The following NR2C2 variants were observed in gnomAD, a reference collection of about 807,000 sequenced individuals.
NR2C2 encodes the protein nuclear receptor subfamily 2 group C member 2.
NR2C2 carries 6 observed loss-of-function variants against 62.9 expected under a neutral mutation model. The observed-to-expected ratio is 0.10, with a 90% CI of 0.05 to 0.19. The LOEUF is 0.19. Among genes scored for constraint, NR2C2 ranks in the 10% least tolerant of loss-of-function variants. NR2C2 has a pLI of 1.00. For synonymous variants in NR2C2, 272 were observed against 273.8 expected (o/e 0.99, Z 0.07); for missense variants, 479 against 762.7 (o/e 0.63, Z 4.38).
chr3:15,024,980 A>G (rs2041782222), intron 7 of NR2C2, among the ~76,000 whole-genome samples: 1 of 152,224 alleles, frequency 6.6e-6, no homozygotes, highest in Non-Finnish European at 1.5e-5. Context: ...GAAAGAGAAG[A>G]CAAAATTTAG....
chr3:15,017,676 A>C (rs1304652441), intron 4 of NR2C2, among the ~76,000 whole-genome samples: 1 of 152,200 alleles, frequency 6.6e-6, no homozygotes, highest in African/African-American at 2.4e-5. Context: ...TAGAGAACTC[A>C]AGGAAATATA....
chr3:14,978,268 C>T (rs1032438369), intron 1 of NR2C2, among the ~76,000 whole-genome samples: 4 of 152,156 alleles, frequency 2.6e-5, no homozygotes, highest in African/African-American at 9.7e-5. Flanking sequence ...GTTGAATGCA[C>T]CTAACCTACA....
intron 8 of NR2C2, among the ~76,000 whole-genome samples, chr3:15,029,780 A>T (rs2041917151): frequency 6.8e-6 from 1 of 147,184 alleles, no homozygotes; most frequent in Non-Finnish European, 1.5e-5. Flanking sequence ...ATCTCTGAAA[A>T]AGTAAATAAA....
intron 1 of NR2C2, among the ~76,000 whole-genome samples, chr3:14,989,924 CAAAAAAAAAAAAAAAA>C (rs34980642): frequency 1.2e-4 from 6 of 51,012 alleles, no homozygotes; most frequent in Non-Finnish European, 1.9e-4. Flanking sequence ...GACTCCATCT[CAAAAAAAAAAAAAAAA>C]AAAAAAAAAA....
At chr3:14,975,722 CA>C in intron 1 of NR2C2, among the ~76,000 whole-genome samples, 1 of 152,116 alleles carries the variant, frequency 6.6e-6, no homozygotes, top group African/African-American at 2.4e-5. Context: ...ATACTGGCCT[CA>C]TGGGAGTTTG....
chr3:15,037,017 T>C (rs1179078660), intron 11 of NR2C2, among the ~76,000 whole-genome samples: 1 of 151,736 alleles, frequency 6.6e-6, no homozygotes, highest in Non-Finnish European at 1.5e-5. Flanking sequence ...AGTTACTTGC[T>C]AGGCTGAGGT....
intron 13 of NR2C2, among the ~76,000 whole-genome samples, chr3:15,039,998 A>T (rs958061428): frequency 1.3e-5 from 2 of 150,416 alleles, no homozygotes; most frequent in African/African-American, 4.9e-5. Flanking sequence ...AAAATATTTA[A>T]AAAAAAATTA....
intron 13 of NR2C2, among the ~76,000 whole-genome samples, chr3:15,041,035 C>A (rs1469718271): frequency 6.6e-6 from 1 of 152,148 alleles, no homozygotes; most frequent in East Asian, 1.9e-4. Context: ...ATGAGTCACT[C>A]CTGTCCAGTC....
At chr3:14,996,813 C>T (rs552777716) in intron 1 of NR2C2, among the ~76,000 whole-genome samples, 4 of 152,184 alleles carry the variant, frequency 2.6e-5, no homozygotes, top group Admixed American at 1.3e-4. Context: ...CCGCCCGCCT[C>T]GGCCTCCCAA....
In NR2C2 at chr3:15,046,939, G is replaced by A. The variant is rs1200177452; in HGVS notation, c.*3931G>A. 2 of 152,644 alleles carry A rather than the reference G, an allele frequency of 1.3e-5. No homozygotes were observed. Among genetic ancestry groups the A allele is most frequent in the African/African-American group, 4.8e-5 (2 of 41,458 alleles). 9.5% of individuals were successfully genotyped at this position (152,644 alleles called of 1,614,324 possible). On this transcript the variant is annotated 3_prime_UTR_variant, in exon 14 of 14. Transcript: ENST00000425241. ...GGTTGGTTTGGGTCTTTTGTACACA[G>A]GGTCTGGACCTTCTCATTGTGTGCC...
intron 11 of NR2C2, among the ~76,000 whole-genome samples, chr3:15,037,654 C>T (rs543145033): frequency 6.6e-6 from 1 of 152,212 alleles, no homozygotes; most frequent in Non-Finnish European, 1.5e-5. Context: ...AAAAACCTAA[C>T]CAAGTATATA....
At chr3:14,948,157 A>C (rs1041655771) in intron 1 of NR2C2, 6 of 150,902 alleles carry the variant, frequency 4.0e-5, no homozygotes, top group East Asian at 2.0e-4. Context: ...GTGGAGGGGG[A>C]ATGGCCGCGG....
intron 1 of NR2C2, among the ~76,000 whole-genome samples, chr3:14,989,517 A>C (rs1453758201): frequency 6.6e-6 from 1 of 152,172 alleles, no homozygotes; most frequent in Non-Finnish European, 1.5e-5. Flanking sequence ...TATTAGGGCC[A>C]GGCATGGTAG....
chr3:15,038,893 C>T (rs1159130612), intron 12 of NR2C2: 7 of 515,062 alleles, frequency 1.4e-5, no homozygotes, highest in Non-Finnish European at 2.1e-5. Context: ...TGGGGCTGTT[C>T]AGACTGGGAT....
At chr3:14,992,058 C>T (rs865951210) in intron 1 of NR2C2, among the ~76,000 whole-genome samples, 2 of 152,212 alleles carry the variant, frequency 1.3e-5, no homozygotes, top group East Asian at 1.9e-4. Flanking sequence ...AGACATGAGC[C>T]GCTGCACCTG....
intron 1 of NR2C2, among the ~76,000 whole-genome samples, chr3:14,955,302 A>G (rs566944770): frequency 6.6e-6 from 1 of 152,368 alleles, no homozygotes; most frequent in Admixed American, 6.5e-5. Flanking sequence ...GAGCAGCCTC[A>G]GAAATTTCTG....
chr3:15,020,873 G>A lies in NR2C2; in HGVS notation c.497G>A (p.Arg166Gln). The A allele has an allele frequency of 6.2e-7, 1 of 1,614,128 alleles. No homozygotes were observed. Among genetic ancestry groups the A allele is most frequent in the Non-Finnish European group, 8.5e-7 (1 of 1,180,014 alleles). Residue 166 changes from arginine (R) to glutamine (Q), a missense_variant, in exon 5 of 14, where the codon CGG (arginine) becomes CAG (glutamine). By Grantham distance (43) the Arg-to-Gln change is conservative. Coordinates refer to ENST00000425241, the MANE Select transcript of NR2C2 (RefSeq NM_001291694.2). ...GACTGCATCATCAATAAACATCACCGGAACCGCTGTCAGTTTTGCCGGCTG... is the reference window on the plus strand; with the variant it reads ...GACTGCATCATCAATAAACATCACCAGAACCGCTGTCAGTTTTGCCGGCTG... Reference protein sequence around the residue: ...NQDCIINKHHRNRCQFCRLKK... With the variant: ...NQDCIINKHHQNRCQFCRLKK...
chr3:14,968,545 A>C (rs1249757076), intron 1 of NR2C2, among the ~76,000 whole-genome samples: 1 of 150,756 alleles, frequency 6.6e-6, no homozygotes. Flanking sequence ...TGGGACTGTA[A>C]ACTAGTTCAA....
chr3:15,039,213 A>G lies in NR2C2; in HGVS notation c.1602A>G (p.Ser534=). 1 of 1,613,154 alleles carries G rather than the reference A, an allele frequency of 6.2e-7. No homozygotes were observed. The highest frequency in any genetic ancestry group is 1.7e-5 in the Admixed American group (1 of 60,012). Residue 534 remains serine, a synonymous_variant, in exon 13 of 14, where the codon TCA becomes TCG. Coordinates refer to ENST00000425241, the MANE Select transcript of NR2C2 (RefSeq NM_001291694.2). ...AGGACTATGTTCAGAAAACCTACTCAGAAGACACCTACCGGTGAGGCATTC... is the reference window on the plus strand; with the variant it reads ...AGGACTATGTTCAGAAAACCTACTCGGAAGACACCTACCGGTGAGGCATTC... ...ELQDYVQKTY[S]EDTYRLARIL...
Sources: gnomAD v4.1 joint callset for allele counts (sites outside exome capture counted in the v4.1 genomes callset) on GRCh38, gnomAD v4.1.1 for gene constraint, MANE v1.5 for transcripts, NCBI Gene and HGNC (gene_info 2026-07-23, HGNC 2026-07-21) for gene names.